CCDC148: variants seen among roughly 807,000 people sequenced by gnomAD.
CCDC148 encodes coiled-coil domain-containing protein 148.
Under a neutral mutation model 85.7 loss-of-function variants are expected in CCDC148, and 89 were observed. The observed-to-expected ratio is 1.04, with a 90% CI of 0.87 to 1.24. The LOEUF (loss-of-function observed/expected upper bound fraction) is 1.24. Ranked by LOEUF, CCDC148 falls within the 50% of genes most tolerant of loss-of-function variation. The pLI is 0.00. For synonymous variants in CCDC148, 230 were observed against 213.9 expected, an observed-to-expected ratio of 1.08 and a Z score of -0.66; for missense variants, 692 against 671.7, an observed-to-expected ratio of 1.03 and a Z score of -0.33.
chr2:158,342,768 A>T (rs777579684), intron 3 of CCDC148, among the ~76,000 whole-genome samples: 16 of 152,140 alleles, frequency 1.1e-4, no homozygotes, highest in Non-Finnish European at 2.1e-4. Flanking sequence ...TTAATACATC[A>T]TCTGGGCAAA....
At chr2:158,446,905 A>G (rs1688178851) in intron 1 of CCDC148, among the ~76,000 whole-genome samples, 1 of 152,052 alleles carries the variant, frequency 6.6e-6, no homozygotes, top group African/African-American at 2.4e-5. Context: ...TTGGCATAAT[A>G]TTTTGGAGGT....
At chr2:158,409,077 T>C (rs992071245) in intron 1 of CCDC148, among the ~76,000 whole-genome samples, 1 of 151,890 alleles carries the variant, frequency 6.6e-6, no homozygotes, top group African/African-American at 2.4e-5. Context: ...GAGAGAGAAA[T>C]ATATATATGT....
intron 1 of CCDC148, among the ~76,000 whole-genome samples, chr2:158,419,181 G>A (rs894689335): frequency 3.3e-5 from 5 of 151,870 alleles, no homozygotes; most frequent in African/African-American, 1.2e-4. Flanking sequence ...TTTAATATTT[G>A]GAAACAAGCA....
At chr2:158,296,517 T>C (rs774898280) in intron 9 of CCDC148, among the ~76,000 whole-genome samples, 6 of 152,178 alleles carry the variant, frequency 3.9e-5, no homozygotes, top group Non-Finnish European at 7.3e-5. Context: ...CTTCCCCTCC[T>C]AAATTACCCA....
intron 1 of CCDC148, among the ~76,000 whole-genome samples, chr2:158,450,620 G>A (rs532813295): frequency 2.6e-5 from 4 of 152,254 alleles, no homozygotes; most frequent in South Asian, 2.1e-4. Flanking sequence ...TTTTGAATAC[G>A]TCCTTTTACT....
chr2:158,260,684 A>C (rs1689184457), intron 9 of CCDC148, among the ~76,000 whole-genome samples: 5 of 152,126 alleles, frequency 3.3e-5, no homozygotes, highest in Admixed American at 3.3e-4. Flanking sequence ...ATACAAAATC[A>C]ATGTACAAAA....
At chr2:158,366,038 T>C (rs1293200347) in intron 1 of CCDC148, 2 of 1,543,608 alleles carry the variant, frequency 1.3e-6, no homozygotes, top group Admixed American at 2.0e-5. Flanking sequence ...CTCTGAATTG[T>C]CATGAATGGT....
chr2:158,333,631 C>A (rs746066919), intron 7 of CCDC148, among the ~76,000 whole-genome samples: 1 of 152,022 alleles, frequency 6.6e-6, no homozygotes, highest in Non-Finnish European at 1.5e-5. Context: ...AAAGTCTCCA[C>A]TATTATTGTG....
At chr2:158,346,690 T>TA (rs1683011649) in intron 2 of CCDC148, among the ~76,000 whole-genome samples, 1 of 152,160 alleles carries the variant, frequency 6.6e-6, no homozygotes, top group Non-Finnish European at 1.5e-5. Context: ...CTTGATGAAA[T>TA]ACGCATATTT....
chr2:158,214,290 C>T (rs1409026361), intron 11 of CCDC148, among the ~76,000 whole-genome samples: 5 of 152,064 alleles, frequency 3.3e-5, no homozygotes, highest in Non-Finnish European at 5.9e-5. Context: ...CAATTTGAAG[C>T]CCATCACAAG....
At chr2:158,308,688 G>A (rs187844172) in intron 9 of CCDC148, among the ~76,000 whole-genome samples, 14 of 152,236 alleles carry the variant, frequency 9.2e-5, no homozygotes, top group African/African-American at 3.1e-4. Context: ...TGTTTTTAAT[G>A]GCCCTGGCCA....
chr2:158,446,687 T>C (rs1276256975), intron 1 of CCDC148, among the ~76,000 whole-genome samples: 1 of 152,222 alleles, frequency 6.6e-6, no homozygotes, highest in African/African-American at 2.4e-5. Context: ...TTTTAATAAA[T>C]GTATTGTTGT....
At chr2:158,187,856 T>A (rs1259746950) in intron 11 of CCDC148, among the ~76,000 whole-genome samples, 1 of 152,032 alleles carries the variant, frequency 6.6e-6, no homozygotes, top group Non-Finnish European at 1.5e-5. Flanking sequence ...CCCAGATCCT[T>A]TGAGCTTTTA....
At chr2:158,327,640 T>G (rs971951056) in intron 7 of CCDC148, among the ~76,000 whole-genome samples, 1 of 152,198 alleles carries the variant, frequency 6.6e-6, no homozygotes, top group African/African-American at 2.4e-5. Context: ...GCAATAGTCT[T>G]CCCTCATTAT....
rs1692015117 is a variant in CCDC148 at position 158,311,477 on chromosome 2, G to C, written c.904-1838C>G. Among the ~76,000 whole-genome samples the C allele has an allele frequency of 2.0e-5, 3 of 152,166 alleles. No homozygotes were observed. The South Asian group carries it at 6.2e-4, about 32-fold the overall frequency. On this transcript the variant is annotated intron_variant, in intron 8 of 13. Coordinates refer to ENST00000283233, the MANE Select transcript of CCDC148 (RefSeq NM_138803.4). ...TGTGGAAAGCGGGAGATGGAGACGAGGGAGAGGGGGAGACCGTGGAAAGCG... is the reference window on the plus strand; with the variant it reads ...TGTGGAAAGCGGGAGATGGAGACGACGGAGAGGGGGAGACCGTGGAAAGCG...
At chr2:158,293,618 G>C (rs1690997681) in intron 9 of CCDC148, among the ~76,000 whole-genome samples, 1 of 152,062 alleles carries the variant, frequency 6.6e-6, no homozygotes, top group South Asian at 2.1e-4. Flanking sequence ...AGCCCTCCAG[G>C]AGAACTATGC....
chr2:158,456,666 C>T lies in CCDC148; in HGVS notation c.-227G>A. ...GGGAATCTCCCTGTCCTCTCCGCCA[C>T]CCCCTCCCGCGCCCGAGACCTGAGA... On this transcript the variant is annotated 5_prime_UTR_variant, in exon 1 of 14. The change creates a new upstream start codon in the 5' untranslated region. Coordinates refer to ENST00000283233, the MANE Select transcript of CCDC148 (RefSeq NM_138803.4). 2 of 586,624 alleles carry T rather than the reference C, an allele frequency of 3.4e-6. No individual in the cohort carries two copies. The highest frequency in any genetic ancestry group is 5.8e-5 in the East Asian group (2 of 34,388). The allele number at this position is 586,624 out of a possible 1,614,324, so 36.3% of individuals were successfully genotyped here.
chr2:158,276,126 T>C (rs1300968622), intron 9 of CCDC148, among the ~76,000 whole-genome samples: 4 of 152,122 alleles, frequency 2.6e-5, no homozygotes. Context: ...CACTGGGAGT[T>C]TACTGGGTTT....
At chr2:158,306,600 T>C (rs1483897225) in intron 9 of CCDC148, among the ~76,000 whole-genome samples, 2 of 151,736 alleles carry the variant, frequency 1.3e-5, no homozygotes, top group Admixed American at 6.6e-5. Flanking sequence ...ACACTGCATG[T>C]TCTCACTCAT....
Sources: gnomAD v4.1 joint callset for allele counts (sites outside exome capture counted in the v4.1 genomes callset) on GRCh38, gnomAD v4.1.1 for gene constraint, MANE v1.5 for transcripts, NCBI Gene and HGNC (gene_info 2026-07-23, HGNC 2026-07-21) for gene names.